The following MTCL1 variants were observed in gnomAD, a reference collection of about 807,000 sequenced individuals.
MTCL1 encodes microtubule crosslinking factor 1, also known as microtubule cross-linking factor 1.
In MTCL1, 79 loss-of-function variants were observed where a neutral mutation model predicts 141.4. The observed-to-expected ratio is 0.56, with a 90% confidence interval of 0.47 to 0.67. MTCL1 has a LOEUF of 0.67. Among genes scored for constraint, MTCL1 ranks in the 30% least tolerant of loss-of-function variants. The probability of loss-of-function intolerance (pLI) is 0.00; values close to 1 mark genes in which losing one functional copy is unlikely to be tolerated. For synonymous variants in MTCL1, 914 were observed against 875.8 expected (o/e 1.04, Z -0.77); for missense variants, 2,177 against 2,113.9 (o/e 1.03, Z -0.59).
At chr18:8,801,196 G>A (rs1288015285) in intron 10 of MTCL1, among the ~76,000 whole-genome samples, 1 of 152,154 alleles carries the variant, frequency 6.6e-6, no homozygotes, top group Non-Finnish European at 1.5e-5. Context: ...CCAGGCCCCA[G>A]CAGTCTTCCT....
At chr18:8,782,786 C>T (rs2096537077) in intron 5 of MTCL1, 1 of 152,266 alleles carries the variant, frequency 6.6e-6, no homozygotes, top group African/African-American at 2.4e-5. Flanking sequence ...TCTGGGTCTG[C>T]AGTACCCAGT....
chr18:8,790,251 C>CAT (rs1254857657), intron 7 of MTCL1, among the ~76,000 whole-genome samples: 4 of 152,274 alleles, frequency 2.6e-5, no homozygotes, highest in Admixed American at 6.5e-5. Context: ...GGCTTCTTAA[C>CAT]ATATATATTA....
upstream of MTCL1, among the ~76,000 whole-genome samples, chr18:8,713,342 T>C (rs1365209459): frequency 6.6e-6 from 1 of 152,260 alleles, no homozygotes; most frequent in Non-Finnish European, 1.5e-5. Flanking sequence ...GACAGCTTTT[T>C]CTTATTTCCG....
At chr18:8,755,987 A>T (rs1431239754) in intron 4 of MTCL1, among the ~76,000 whole-genome samples, 3 of 152,166 alleles carry the variant, frequency 2.0e-5, no homozygotes. Context: ...AAACAAAAAC[A>T]TTACTTAGGT....
chr18:8,831,853 C>A, exon 17 of MTCL1: 1 of 1,537,084 alleles, frequency 6.5e-7, no homozygotes, highest in Non-Finnish European at 8.8e-7. Context: ...TGCATAACCA[C>A]ACCATCACCA....
intron 4 of MTCL1, among the ~76,000 whole-genome samples, chr18:8,763,990 T>G (rs2096446384): frequency 6.6e-6 from 1 of 152,160 alleles, no homozygotes; most frequent in African/African-American, 2.4e-5. Flanking sequence ...AAGTTAGGGT[T>G]CTAAATTCTG....
intron 4 of MTCL1, among the ~76,000 whole-genome samples, chr18:8,743,464 C>T (rs1174645811): frequency 1.3e-5 from 2 of 152,204 alleles, no homozygotes; most frequent in African/African-American, 4.8e-5. Flanking sequence ...TGGCTTAAAA[C>T]GACACAAATT....
At chr18:8,825,686 T>A in exon 15 of MTCL1, 1 of 1,613,874 alleles carries the variant, frequency 6.2e-7, no homozygotes, top group South Asian at 1.1e-5. Context: ...AGTATGGTTC[T>A]CCCAAGCTGC....
chr18:8,760,947 G>T (rs568501415), intron 4 of MTCL1, among the ~76,000 whole-genome samples: 1 of 152,292 alleles, frequency 6.6e-6, no homozygotes, highest in Non-Finnish European at 1.5e-5. Flanking sequence ...GCTTTGAAAT[G>T]TCCAGAGAGA....
chr18:8,800,392 C>CA (rs1213224847), intron 10 of MTCL1: 3 of 152,214 alleles, frequency 2.0e-5, no homozygotes, highest in Non-Finnish European at 4.4e-5. Context: ...GGAACGTTCT[C>CA]ACAATTGAAC....
intron 4 of MTCL1, among the ~76,000 whole-genome samples, chr18:8,748,727 G>A (rs749141522): frequency 2.0e-5 from 3 of 151,952 alleles, no homozygotes; most frequent in South Asian, 2.1e-4. Context: ...TTGTATTAAC[G>A]TTAATAGTAA....
intron 4 of MTCL1, among the ~76,000 whole-genome samples, chr18:8,758,233 G>A (rs1187609284): frequency 6.6e-6 from 1 of 152,018 alleles, no homozygotes; most frequent in East Asian, 1.9e-4. Flanking sequence ...ATGTTGGTCA[G>A]GCTGGTCTCA....
exon 6 of MTCL1, chr18:8,784,507 G>C: frequency 6.3e-7 from 1 of 1,596,936 alleles, no homozygotes; most frequent in Admixed American, 1.7e-5. Context: ...AGCGGCTAGA[G>C]CGGACGGTGG....
exon 2 of MTCL1, chr18:8,717,949 T>C (rs1016608374): frequency 1.0e-6 from 1 of 999,020 alleles, no homozygotes; most frequent in African/African-American, 1.7e-5. Flanking sequence ...ACAGAATTTT[T>C]GGGACATTTG....
Position 8,776,722 on chromosome 18 carries a change from GTTATTTA to G in MTCL1, c.358-1108_358-1102del, listed in dbSNP as rs1244167367. 9.9e-3 allele frequency among the ~76,000 whole-genome samples: 1,419 copies of G among 142,776 alleles called. 26 individuals carry two copies. The highest frequency in any genetic ancestry group is 0.03 in the African/African-American group (1,168 of 39,108). The allele number at this position is 142,776 out of a possible 152,430, so 93.7% of individuals were successfully genotyped here. A position where few individuals can be genotyped will look rare whatever the true frequency, so the allele number is the denominator to read the frequency against. ...TTATCTGGCCACTCAGGAAACACTA[GTTATTTA>G]TTTATTTATTTATTTATTTATTTAT... On this transcript the variant is annotated intron_variant, in intron 4 of 16. Coordinates refer to ENST00000359865, the Ensembl canonical transcript of MTCL1.
chr18:8,801,528 T>C (rs1020538227), intron 10 of MTCL1: 4 of 152,196 alleles, frequency 2.6e-5, no homozygotes, highest in African/African-American at 9.7e-5. Context: ...AGTTGTTCTG[T>C]CACTCTTTAA....
chr18:8,705,734 GCCACCACCACCT>G lies in MTCL1; in HGVS notation c.80_91del (p.His27_His30del). The stretch of plus-strand genomic sequence containing the variant: ...CTGCAGCCGCCCGGCCAGCACCACC[GCCACCACCACCT>G]CCACCCGGTGGCCGAAAGGCGGCGG... On this transcript the variant is annotated inframe_deletion, in exon 1 of 14. Transcript: ENST00000306329. The surrounding 1 kb of genome is among the most constrained non-coding windows in gnomAD (Gnocchi z 5.2). 5 of 1,205,316 alleles carry G rather than the reference GCCACCACCACCT, an allele frequency of 4.1e-6. No individual in the cohort carries two copies. The highest frequency in any genetic ancestry group is 5.2e-6 in the Non-Finnish European group (5 of 970,662). 74.7% of individuals were successfully genotyped at this position (1,205,316 alleles called of 1,614,324 possible).
At chr18:8,769,312 G>A (rs868220285) in intron 4 of MTCL1, among the ~76,000 whole-genome samples, 26 of 152,278 alleles carry the variant, frequency 1.7e-4, no homozygotes, top group Middle Eastern at 3.4e-3. Context: ...CAGTTTGGGG[G>A]AAGGATACTT....
At position 8,706,655 on chromosome 18, in the gene MTCL1, AG is replaced by A; in HGVS notation, c.997del (p.Glu333LysfsTer22). On this transcript the variant is annotated frameshift_variant, in exon 1 of 14. Coordinates refer to the MTCL1 transcript ENST00000306329. LOFTEE classifies it high-confidence loss of function. ...CAGTCTCGGCTCGTGCCAGCGGCGG[AG>A]GAAGAAGAGCTGCTGCGGGAGATGG... is the stretch of plus-strand genomic sequence containing the variant. 1 of 1,545,374 alleles carries A rather than the reference AG, an allele frequency of 6.5e-7. No homozygotes were observed. The highest frequency in any genetic ancestry group is 8.7e-7 in the Non-Finnish European group (1 of 1,146,088).
Sources: gnomAD v4.1 joint callset for allele counts (sites outside exome capture counted in the v4.1 genomes callset) on GRCh38, gnomAD v4.1.1 for gene constraint, Gnocchi (gnomAD v3.1) non-coding constraint, MANE v1.5 for transcripts, NCBI Gene and HGNC (gene_info 2026-07-23, HGNC 2026-07-21) for gene names.